The following LRRC4C variants were observed in gnomAD, a reference collection of about 807,000 sequenced individuals.
The protein encoded by LRRC4C is leucine rich repeat containing 4C, also known as leucine-rich repeat-containing protein 4C.
Under a neutral mutation model 33.6 loss-of-function variants are expected in LRRC4C, and 5 were observed. The ratio of observed to expected loss-of-function variants is 0.15; its 90% CI spans 0.08 to 0.31. The LOEUF (loss-of-function observed/expected upper bound fraction) is 0.31, where lower values mean the gene tolerates loss of function less well. Among genes scored for constraint, LRRC4C ranks in the 10% least tolerant of loss-of-function variants. The pLI is 1.00. For synonymous variants in LRRC4C, 329 were observed against 302.0 expected (o/e 1.09, Z -0.93); for missense variants, 560 against 796.7 (o/e 0.70, Z 3.58).
chr11:40,386,700 A>C (rs1295589877), intron 3 of LRRC4C, among the ~76,000 whole-genome samples: 10 of 152,034 alleles, frequency 6.6e-5, no homozygotes, highest in Admixed American at 6.6e-4. Flanking sequence ...TATTTTCATT[A>C]TATCAGATGT....
intron 1 of LRRC4C, among the ~76,000 whole-genome samples, chr11:40,988,905 A>G (rs558267462): frequency 1.3e-5 from 2 of 151,528 alleles, no homozygotes; most frequent in South Asian, 2.1e-4. Flanking sequence ...TATTTTTAGT[A>G]GAGACGGGGT....
intron 3 of LRRC4C, among the ~76,000 whole-genome samples, chr11:40,626,548 C>T (rs1962947232): frequency 6.6e-6 from 1 of 152,022 alleles, no homozygotes; most frequent in African/African-American, 2.4e-5. Context: ...CCTCTTTTAC[C>T]AAGCACTGTG....
intron 3 of LRRC4C, among the ~76,000 whole-genome samples, chr11:40,401,364 C>G (rs1255539041): frequency 6.6e-6 from 1 of 151,984 alleles, no homozygotes; most frequent in African/African-American, 2.4e-5. Context: ...ATAGACAAAG[C>G]AGTCTGTCAT....
At chr11:40,263,093 G>T (rs1296513032) in intron 4 of LRRC4C, among the ~76,000 whole-genome samples, 1 of 151,950 alleles carries the variant, frequency 6.6e-6, no homozygotes, top group Non-Finnish European at 1.5e-5. Context: ...ATGCTCCACA[G>T]TTTCCTGAAT....
intron 3 of LRRC4C, among the ~76,000 whole-genome samples, chr11:40,394,097 A>G (rs575602596): frequency 6.6e-6 from 1 of 152,250 alleles, no homozygotes; most frequent in African/African-American, 2.4e-5. Context: ...ATGGGTACAT[A>G]GTCTTGTTTA....
chr11:40,325,994 G>A (rs1454182956), intron 3 of LRRC4C, among the ~76,000 whole-genome samples: 2 of 151,544 alleles, frequency 1.3e-5, no homozygotes, highest in African/African-American at 2.4e-5. Flanking sequence ...TCTAGCCATG[G>A]GTGAGAAGAA....
At chr11:41,315,840 C>T (rs1222728828) in intron 1 of LRRC4C, among the ~76,000 whole-genome samples, 1 of 152,144 alleles carries the variant, frequency 6.6e-6, no homozygotes, top group Non-Finnish European at 1.5e-5. Flanking sequence ...TAGCTATGAA[C>T]CATGTCTCCA....
At chr11:40,343,711 G>A (rs368567694) in intron 3 of LRRC4C, among the ~76,000 whole-genome samples, 112 of 104,674 alleles carry the variant, frequency 1.1e-3, no homozygotes, top group East Asian at 2.1e-3. Flanking sequence ...TTGTTTTTTT[G>A]AAAAAAAAAA....
chr11:40,411,695 T>A (rs1249516203), intron 3 of LRRC4C, among the ~76,000 whole-genome samples: 1 of 152,074 alleles, frequency 6.6e-6, no homozygotes, highest in African/African-American at 2.4e-5. Flanking sequence ...GAGGAAACAA[T>A]GTAAGATTAC....
At chr11:40,322,685 A>C (rs1382463664) in intron 3 of LRRC4C, among the ~76,000 whole-genome samples, 4 of 152,144 alleles carry the variant, frequency 2.6e-5, no homozygotes, top group Non-Finnish European at 5.9e-5. Flanking sequence ...TCTTTAGAAA[A>C]GTGGCTTCAT....
chr11:40,616,774 C>T (rs1044535373), intron 3 of LRRC4C, among the ~76,000 whole-genome samples: 9 of 151,548 alleles, frequency 5.9e-5, no homozygotes, highest in East Asian at 1.9e-4. Context: ...GAGAGGGGAG[C>T]GGGCAGTGAT....
At chr11:41,170,272 AC>A (rs1944913794) in intron 1 of LRRC4C, among the ~76,000 whole-genome samples, 1 of 152,160 alleles carries the variant, frequency 6.6e-6, no homozygotes, top group Non-Finnish European at 1.5e-5. Context: ...TTCATATGGA[AC>A]CAAAAAAGAG....
chr11:40,357,792 G>A (rs1329236803), intron 3 of LRRC4C, among the ~76,000 whole-genome samples: 1 of 152,090 alleles, frequency 6.6e-6, no homozygotes, highest in African/African-American at 2.4e-5. Flanking sequence ...CCTTGTACAT[G>A]TTAAGGTTGT....
At chr11:40,599,343 C>T (rs559831544) in intron 3 of LRRC4C, among the ~76,000 whole-genome samples, 9 of 152,028 alleles carry the variant, frequency 5.9e-5, no homozygotes, top group African/African-American at 1.7e-4. Flanking sequence ...CCCAACTACT[C>T]GGGAGGCTGA....
intron 4 of LRRC4C, among the ~76,000 whole-genome samples, chr11:40,271,275 C>A (rs1942675007): frequency 6.6e-6 from 1 of 152,132 alleles, no homozygotes; most frequent in Admixed American, 6.6e-5. Context: ...TTCTGCTTTG[C>A]CATGTTTCCA....
chr11:40,326,354 AAGTTC>A, intron 3 of LRRC4C, among the ~76,000 whole-genome samples: 1 of 152,068 alleles, frequency 6.6e-6, no homozygotes, highest in Non-Finnish European at 1.5e-5. Flanking sequence ...ACGAGGTCAG[AAGTTC>A]AAGACCAGCC....
At chr11:40,707,594 C>T (rs1303944008) in intron 2 of LRRC4C, among the ~76,000 whole-genome samples, 1 of 152,184 alleles carries the variant, frequency 6.6e-6, no homozygotes, top group Non-Finnish European at 1.5e-5. Flanking sequence ...TTTTGATGTG[C>T]TGCTGGATTT....
intron 5 of LRRC4C, among the ~76,000 whole-genome samples, chr11:40,210,251 T>G (rs1863490518): frequency 7.0e-6 from 1 of 143,064 alleles, no homozygotes; most frequent in Admixed American, 6.7e-5. Context: ...AGACTCCGTC[T>G]CAAAAAAAAA....
intron 2 of LRRC4C, among the ~76,000 whole-genome samples, chr11:40,690,389 G>A (rs755206653): frequency 5.9e-5 from 9 of 152,134 alleles, no homozygotes; most frequent in Admixed American, 3.9e-4. Context: ...CCACCCAAAT[G>A]AGAACAAGCA....
Sources: gnomAD v4.1 joint callset for allele counts (sites outside exome capture counted in the v4.1 genomes callset) on GRCh38, gnomAD v4.1.1 for gene constraint, MANE v1.5 for transcripts, NCBI Gene and HGNC (gene_info 2026-07-23, HGNC 2026-07-21) for gene names.